The following DUSP22 variants were observed in gnomAD, a reference collection of about 807,000 sequenced individuals.
The protein encoded by DUSP22 is dual specificity protein phosphatase 22.
In DUSP22, 24 loss-of-function variants were observed where a neutral mutation model predicts 24.5. That is an observed-to-expected ratio of 0.98 (90% CI 0.71 to 1.38). The LOEUF (loss-of-function observed/expected upper bound fraction) is 1.38. Ranked by LOEUF, DUSP22 falls within the 40% of genes most tolerant of loss-of-function variation. DUSP22 has a pLI of 0.00. For synonymous variants in DUSP22, 160 were observed against 106.4 expected (o/e 1.50, Z -3.10); for missense variants, 330 against 269.2 (o/e 1.23, Z -1.58).
At chr6:306,408 A>T (rs1478343254) in intron 2 of DUSP22, among the ~76,000 whole-genome samples, 1 of 152,308 alleles carries the variant, frequency 6.6e-6, no homozygotes, top group Admixed American at 6.5e-5. Context: ...ACTACAAGCT[A>T]TACCTGTTTT....
At chr6:347,848 C>G (rs948224688) in intron 5 of DUSP22, among the ~76,000 whole-genome samples, 5 of 152,300 alleles carry the variant, frequency 3.3e-5, no homozygotes, top group Non-Finnish European at 7.3e-5. Flanking sequence ...GCATCTGGAG[C>G]CACAGCCCAT....
intron 3 of DUSP22, among the ~76,000 whole-genome samples, chr6:312,800 CT>C (rs1241299036): frequency 1.3e-5 from 2 of 152,300 alleles, no homozygotes; most frequent in Admixed American, 1.3e-4. Flanking sequence ...GCCATTAGGG[CT>C]GCCAGATTTT....
intron 4 of DUSP22, among the ~76,000 whole-genome samples, chr6:344,726 G>A (rs1422824129): frequency 2.0e-5 from 3 of 152,426 alleles, no homozygotes; most frequent in East Asian, 1.9e-4. Flanking sequence ...GGCAAAGAGG[G>A]ATTGGAGCCA....
chr6:296,378 G>T (rs981120965), intron 1 of DUSP22, among the ~76,000 whole-genome samples: 20 of 152,404 alleles, frequency 1.3e-4, no homozygotes, highest in African/African-American at 4.8e-4. Context: ...TAAGGGAACT[G>T]CCAGGGTCAC....
chr6:295,267 G>A (rs1343921760), intron 1 of DUSP22, among the ~76,000 whole-genome samples: 1 of 152,282 alleles, frequency 6.6e-6, no homozygotes, highest in Non-Finnish European at 1.5e-5. Context: ...TTTGGCAAAA[G>A]AGCATTTCTG....
At position 348,849 on chromosome 6, in the gene DUSP22, T is replaced by C. The variant is rs149644671; in HGVS notation, c.516T>C (p.Tyr172=). 57 of 1,614,288 alleles carry C rather than the reference T, an allele frequency of 3.5e-5. No homozygotes were observed. Among genetic ancestry groups the C allele is most frequent in the Non-Finnish European group, 4.5e-5 (53 of 1,180,046 alleles). Residue 172 remains tyrosine (Y), a synonymous_variant, in exon 7 of 7, where the codon TAT becomes TAC. Coordinates refer to ENST00000419235, the MANE Select transcript of DUSP22 (RefSeq NM_001286555.3). ...AEEAKNILGK[Y]KEQGRTEPQP... ...AAGCCAAAAACATTCTGGGTAAATATAAGGAGCAAGGGCGCACAGAGCCCC... is the reference window on the plus strand; with the variant it reads ...AAGCCAAAAACATTCTGGGTAAATACAAGGAGCAAGGGCGCACAGAGCCCC...
intron 1 of DUSP22, among the ~76,000 whole-genome samples, chr6:302,617 C>A (rs1418644104): frequency 1.3e-5 from 2 of 152,306 alleles, no homozygotes; most frequent in Admixed American, 1.3e-4. Flanking sequence ...GAGTGCCCGG[C>A]ATTGTGCCTG....
In DUSP22 at chr6:351,077, G is replaced by A. The variant is rs1302963127; in HGVS notation, c.*2126G>A. 2 of 783,254 alleles carry A rather than the reference G, an allele frequency of 2.6e-6. No individual in the cohort carries two copies. Among genetic ancestry groups the A allele is most frequent in the South Asian group, 1.9e-5 (1 of 53,354 alleles). The allele number at this position is 783,254 out of a possible 1,614,324, so 48.5% of individuals were successfully genotyped here. ...ATTTTCCCCTTATCCCCACTGCTGTGGAGGTTTCTGTACCTCGCTTGGATG... is the reference window on the plus strand; with the variant it reads ...ATTTTCCCCTTATCCCCACTGCTGTAGAGGTTTCTGTACCTCGCTTGGATG... On this transcript the variant is annotated 3_prime_UTR_variant, in exon 7 of 7. Coordinates refer to ENST00000419235, the MANE Select transcript of DUSP22 (RefSeq NM_001286555.3).
rs777078688 is a variant in DUSP22 at position 335,115 on chromosome 6, G to A, written c.140G>A (p.Gly47Glu). The change falls in exon 4 of 7, where the codon GGA becomes GAA. Residue 47 changes from glycine to glutamate, a missense_variant and splice_region_variant. Gly to Glu is a moderately conservative substitution (Grantham distance 98). Coordinates refer to ENST00000419235, the MANE Select transcript of DUSP22 (RefSeq NM_001286555.3). Reference protein sequence around the residue: ...VHDSARPMLEGVKYLCIPAAD... With the variant: ...VHDSARPMLEEVKYLCIPAAD... ...TATTTACTTTTTATTATTCTGCAGG[G>A]AGTTAAATACCTGTGCATCCCAGCA... The A allele has an allele frequency of 6.2e-7, 1 of 1,613,566 alleles. No homozygotes were observed.
rs1044234258 is a variant in DUSP22, at chr6:348,688, G to A, written c.436-81G>A. On this transcript the variant is annotated intron_variant, in intron 6 of 6. Coordinates refer to ENST00000419235, the MANE Select transcript of DUSP22 (RefSeq NM_001286555.3). ...GGTTATGTGTGGCACCATCTCTGTG[G>A]TGAAGTCACAGGTGCAAGCCCACGT... is the stretch of plus-strand genomic sequence containing the variant. 2.0e-5 allele frequency: 31 copies of A among 1,583,746 alleles called. No homozygotes were observed. The South Asian group carries it at 3.1e-4, about 16-fold the overall frequency.
chr6:333,751 A>G (rs1759239532), intron 3 of DUSP22, among the ~76,000 whole-genome samples: 1 of 152,286 alleles, frequency 6.6e-6, no homozygotes, highest in South Asian at 2.1e-4. Flanking sequence ...CCTGCCCCGC[A>G]AAGAGCATGT....
chr6:345,363 C>T (rs952417530), intron 4 of DUSP22, among the ~76,000 whole-genome samples: 97 of 152,260 alleles, frequency 6.4e-4, no homozygotes, highest in Non-Finnish European at 1.6e-4. Flanking sequence ...GTGTGTGCCA[C>T]CACACCCAGC....
At chr6:315,415 C>T (rs1181059767) in intron 3 of DUSP22, among the ~76,000 whole-genome samples, 3 of 152,310 alleles carry the variant, frequency 2.0e-5, no homozygotes, top group Admixed American at 6.5e-5. Flanking sequence ...CTGGGATTCC[C>T]ATGGCTGTCT....
intron 3 of DUSP22, among the ~76,000 whole-genome samples, chr6:334,196 G>A (rs1292945455): frequency 2.6e-5 from 4 of 152,310 alleles, no homozygotes; most frequent in Non-Finnish European, 2.9e-5. Flanking sequence ...AGTGTCTGAT[G>A]TGTACCCCTA....
chr6:348,687 G>T, intron 6 of DUSP22, 82 bp from the exon 7 acceptor site: 1 of 1,582,170 alleles, frequency 6.3e-7, no homozygotes. Flanking sequence ...CCATCTCTGT[G>T]GTGAAGTCAC....
chr6:301,870 T>C (rs1360669227), intron 1 of DUSP22, among the ~76,000 whole-genome samples: 1 of 152,296 alleles, frequency 6.6e-6, no homozygotes, highest in African/African-American at 2.4e-5. Flanking sequence ...ATCATGGTTC[T>C]ACAACATTAG....
intron 2 of DUSP22, among the ~76,000 whole-genome samples, chr6:307,967 T>G (rs1757894591): frequency 6.6e-6 from 1 of 152,298 alleles, no homozygotes; most frequent in African/African-American, 2.4e-5. Flanking sequence ...TTTTTCCACA[T>G]GAATTCTAAC....
chr6:317,684 C>T (rs1758395352), intron 3 of DUSP22, among the ~76,000 whole-genome samples: 1 of 152,304 alleles, frequency 6.6e-6, no homozygotes, highest in Non-Finnish European at 1.5e-5. Context: ...GTTCATGGCC[C>T]ACATCGGGCT....
intron 2 of DUSP22, among the ~76,000 whole-genome samples, chr6:307,379 C>T (rs1383438006): frequency 3.3e-5 from 5 of 152,290 alleles, no homozygotes; most frequent in African/African-American, 9.6e-5. Flanking sequence ...TAGGATCCCT[C>T]GCCTGTCACT....
Sources: allele counts gnomAD v4.1 joint callset (sites outside exome capture counted in the v4.1 genomes callset), GRCh38; gene constraint gnomAD v4.1.1; transcripts MANE v1.5; gene names NCBI Gene and HGNC (gene_info 2026-07-23, HGNC 2026-07-21).